Variants in COL24A1 observed in about 807,000 individuals in gnomAD.
COL24A1 encodes collagen type XXIV alpha 1 chain.
COL24A1 carries 224 observed loss-of-function variants against 253.9 expected under a neutral mutation model. The observed-to-expected ratio is 0.88, with a 90% CI of 0.79 to 0.99. The LOEUF is 0.99. Ranked by LOEUF, COL24A1 falls within the 50% of genes least tolerant of loss-of-function variation. The pLI is 0.00. For missense variants in COL24A1, 2,131 were observed against 2,068.5 expected (o/e 1.03, Z -0.59); for synonymous variants, 685 against 673.7 (o/e 1.02, Z -0.26).
intron 2 of COL24A1, among the ~76,000 whole-genome samples, chr1:86,136,358 C>T (rs1572046635): frequency 6.6e-6 from 1 of 152,098 alleles, no homozygotes; most frequent in South Asian, 2.1e-4. Context: ...TTTCTGAAGT[C>T]TCACTATTGA....
At position 85,956,361 on chromosome 1, in the gene COL24A1, G is replaced by T. The variant is rs183373907; in HGVS notation, c.2562+4888C>A. On this transcript the variant is annotated intron_variant, in intron 24 of 59. Transcript: ENST00000370571. ...TCATGAGAGGGTTTATGATTATAAA[G>T]GTTTTGTAATGAGAAACAGAGTATC... Among the ~76,000 whole-genome samples, 25 of 152,234 alleles carry T rather than the reference G, an allele frequency of 1.6e-4. No individual in the cohort carries two copies. The East Asian group carries it at 2.3e-3, about 14-fold the overall frequency.
At chr1:85,943,340 G>A (rs1688935198) in intron 24 of COL24A1, among the ~76,000 whole-genome samples, 1 of 152,176 alleles carries the variant, frequency 6.6e-6, no homozygotes, top group African/African-American at 2.4e-5. Flanking sequence ...ATAATTCTCA[G>A]CCACCATAAT....
chr1:85,969,241 T>C (rs1355445083), intron 22 of COL24A1, among the ~76,000 whole-genome samples: 1 of 151,930 alleles, frequency 6.6e-6, no homozygotes, highest in East Asian at 1.9e-4. Context: ...GATATAGCAA[T>C]ATATGTGCTA....
At chr1:86,088,929 A>G (rs1434093185) in intron 7 of COL24A1, among the ~76,000 whole-genome samples, 1 of 152,104 alleles carries the variant, frequency 6.6e-6, no homozygotes, top group African/African-American at 2.4e-5. Flanking sequence ...TTTATTTTTC[A>G]TAAGATTCTG....
chr1:85,830,065 T>C (rs1395506826), intron 43 of COL24A1, among the ~76,000 whole-genome samples: 2 of 152,090 alleles, frequency 1.3e-5, no homozygotes, highest in African/African-American at 4.8e-5. Context: ...TATCTACTTT[T>C]GGTCTTTGAT....
At chr1:85,906,163 A>T (rs1020573133) in intron 28 of COL24A1, among the ~76,000 whole-genome samples, 6 of 151,656 alleles carry the variant, frequency 4.0e-5, no homozygotes, top group Non-Finnish European at 7.4e-5. Flanking sequence ...CTCTTTCTTC[A>T]AGCTTCACCG....
chr1:86,043,684 C>G (rs868839924), intron 12 of COL24A1, among the ~76,000 whole-genome samples: 14 of 152,024 alleles, frequency 9.2e-5, no homozygotes, highest in African/African-American at 3.4e-4. Context: ...CACACCACCA[C>G]GCCCAGCTAA....
intron 20 of COL24A1, among the ~76,000 whole-genome samples, chr1:85,985,649 C>CTGGGTTTGACAGATATGTTCATTATCTTG (rs1693663275): frequency 6.6e-6 from 1 of 151,700 alleles, no homozygotes; most frequent in Non-Finnish European, 1.5e-5. Flanking sequence ...TGCCTAACTA[C>CTGGGTTTGACAGATATGTTCATTATCTTG]AAGATTGGCA....
rs1647982365 is a variant in COL24A1 at position 86,124,831 on chromosome 1, A to G, written c.1491+14T>C. The G allele has an allele frequency of 6.6e-7, 1 of 1,520,412 alleles. No homozygotes were observed. Among genetic ancestry groups the G allele is most frequent in the Admixed American group, 2.3e-5 (1 of 43,566 alleles). The allele number at this position is 1,520,412 out of a possible 1,614,324, so 94.2% of individuals were successfully genotyped here. Reference sequence around the variant, plus strand: ...GTTAGCATATTAGGAGATATTAAAAAAAAAAAAACTTACGGGAGGTCCAGT... The same window carrying G: ...GTTAGCATATTAGGAGATATTAAAAGAAAAAAAACTTACGGGAGGTCCAGT... On this transcript the variant is annotated intron_variant, in intron 3 of 59. Coordinates refer to ENST00000370571, the MANE Select transcript of COL24A1 (RefSeq NM_152890.7).
At chr1:86,133,202 G>A (rs1324305747) in intron 2 of COL24A1, among the ~76,000 whole-genome samples, 1 of 152,090 alleles carries the variant, frequency 6.6e-6, no homozygotes, top group Non-Finnish European at 1.5e-5. Context: ...CATTGATTTT[G>A]TATCCTGAGA....
intron 1 of COL24A1, among the ~76,000 whole-genome samples, chr1:86,151,608 T>A (rs1345694764): frequency 6.6e-6 from 1 of 152,098 alleles, no homozygotes; most frequent in Non-Finnish European, 1.5e-5. Context: ...AAAATAGATA[T>A]CCAAAGACCA....
At chr1:86,150,372 A>C (rs74979831) in intron 1 of COL24A1, among the ~76,000 whole-genome samples, 1,613 of 152,324 alleles carry the variant, frequency 0.011, 33 homozygotes, top group African/African-American at 0.038. Context: ...TTGACAGTAA[A>C]TACTTTTTAA....
At position 85,823,685 on chromosome 1, in the gene COL24A1, T is replaced by A. The variant is rs1216918695; in HGVS notation, c.3735A>T (p.Pro1245=). The A allele has an allele frequency of 6.2e-7, 1 of 1,613,874 alleles. No individual in the cohort carries two copies. Among genetic ancestry groups the A allele is most frequent in the Non-Finnish European group, 8.5e-7 (1 of 1,179,820 alleles). The stretch of plus-strand genomic sequence containing the variant: ...TAGAAATAATGCTTTCAAAACATAC[T>A]GGGGGTCCTTGTTGTCCAGTGGCAC... ...LRGATGQQGP[P]GEPGDQGEQG... The change falls in exon 44 of 60, where the codon CCA becomes CCT. Residue 1245 remains proline (P), a splice_region_variant and synonymous_variant. Coordinates refer to ENST00000370571, the MANE Select transcript of COL24A1 (RefSeq NM_152890.7).
At position 85,998,309 on chromosome 1, in the gene COL24A1, G is replaced by T. The variant is rs185737453; in HGVS notation, c.2311-10655C>A. Among the ~76,000 whole-genome samples the T allele has an allele frequency of 2.5e-3, 373 of 152,154 alleles. 2 individuals are homozygous for T. Among genetic ancestry groups the T allele is most frequent in the Non-Finnish European group, 4.1e-3 (278 of 68,000 alleles). On this transcript the variant is annotated intron_variant, in intron 19 of 59. Coordinates refer to ENST00000370571, the MANE Select transcript of COL24A1 (RefSeq NM_152890.7). ...AACACCCATGTACTCCATGCCCCTGGTTCTTGCACCACGTAACTTGTTACC... is the reference window on the plus strand; with the variant it reads ...AACACCCATGTACTCCATGCCCCTGTTTCTTGCACCACGTAACTTGTTACC...
intron 32 of COL24A1, among the ~76,000 whole-genome samples, chr1:85,887,127 A>G (rs10732722): frequency 0.88 from 133,480 of 152,206 alleles, 58,589 homozygotes; most frequent in Admixed American, 0.89. Context: ...AAAATTTACA[A>G]GGGGATATTA....
intron 5 of COL24A1, 101 bp from the exon 6 acceptor site, chr1:86,092,421 G>C (rs1378612117): frequency 6.7e-6 from 5 of 749,102 alleles, no homozygotes; most frequent in Non-Finnish European, 1.1e-5. Flanking sequence ...ACATTATATG[G>C]TGTTAAATAA....
In COL24A1 at chr1:85,950,231, AC is replaced by A. The variant is rs557303704; in HGVS notation, c.2562+11017del. 1.4e-3 allele frequency among the ~76,000 whole-genome samples: 214 copies of A among 152,328 alleles called. 1 individual carries two copies. Among genetic ancestry groups the A allele is most frequent in the African/African-American group, 4.9e-3 (203 of 41,582 alleles). On this transcript the variant is annotated intron_variant, in intron 24 of 59. Transcript: ENST00000370571. ...TTTAACTATTTATCTGTAACACCTAACGGTTATGTCTGACAAACAATTGGTA... is the reference window on the plus strand; with the variant it reads ...TTTAACTATTTATCTGTAACACCTAAGGTTATGTCTGACAAACAATTGGTA...
At chr1:85,976,349 G>T (rs1400272511) in intron 20 of COL24A1, among the ~76,000 whole-genome samples, 1 of 152,122 alleles carries the variant, frequency 6.6e-6, no homozygotes, top group Admixed American at 6.5e-5. Flanking sequence ...TGGGAGCTGG[G>T]TAAGACCTAA....
At chr1:85,975,520 C>G (rs1271002423) in intron 20 of COL24A1, among the ~76,000 whole-genome samples, 5 of 152,016 alleles carry the variant, frequency 3.3e-5, no homozygotes, top group Non-Finnish European at 5.9e-5. Flanking sequence ...CACAGAAAGA[C>G]AAATGTTGCA....
Sources: gnomAD v4.1 joint callset for allele counts (sites outside exome capture counted in the v4.1 genomes callset) on GRCh38, gnomAD v4.1.1 for gene constraint, MANE v1.5 for transcripts, NCBI Gene and HGNC (gene_info 2026-07-23, HGNC 2026-07-21) for gene names.